The following ITGA1 variants were observed in gnomAD, a reference collection of about 807,000 sequenced individuals.
The protein encoded by ITGA1 is integrin subunit alpha 1.
ITGA1 carries 85 observed loss-of-function variants against 145.9 expected under a neutral mutation model. That is an observed-to-expected ratio of 0.58 (90% CI 0.49 to 0.70). ITGA1 has a LOEUF of 0.70. Ranked by LOEUF, ITGA1 falls within the 30% of genes least tolerant of loss-of-function variation. ITGA1 has a pLI of 0.00. For synonymous variants in ITGA1, 520 were observed against 495.3 expected, an observed-to-expected ratio of 1.05 and a Z score of -0.66; for missense variants, 1,351 against 1,418.7, an observed-to-expected ratio of 0.95 and a Z score of 0.77.
chr5:52,894,896 TAC>T (rs1386250486), intron 9 of ITGA1, among the ~76,000 whole-genome samples: 12 of 152,270 alleles, frequency 7.9e-5, no homozygotes, highest in Admixed American at 5.9e-4. Context: ...TATGAAAATG[TAC>T]AGAAAGGAAA....
At chr5:52,908,531 A>T (rs1041986840) in intron 12 of ITGA1, among the ~76,000 whole-genome samples, 3 of 152,220 alleles carry the variant, frequency 2.0e-5, no homozygotes, top group Admixed American at 6.5e-5. Context: ...ATATTCAGCC[A>T]TTGCAGCATG....
intron 6 of ITGA1, among the ~76,000 whole-genome samples, chr5:52,869,292 C>G (rs1049181100): frequency 6.6e-6 from 1 of 152,138 alleles, no homozygotes; most frequent in Non-Finnish European, 1.5e-5. Context: ...TTCTGAGTAG[C>G]TGGGATTACA....
Position 52,865,673 on chromosome 5 carries a change from G to A in ITGA1, c.497-17G>A. 1.3e-6 allele frequency: 2 copies of A among 1,498,420 alleles called. No homozygotes were observed. Among genetic ancestry groups the A allele is most frequent in the Non-Finnish European group, 1.8e-6 (2 of 1,129,696 alleles). 92.8% of individuals were successfully genotyped at this position (1,498,420 alleles called of 1,614,324 possible). ...AAAATAGATTCCAAATTTGACAATT[G>A]ACTCCTTTTATTGCAGAATGCAGCA... is the stretch of plus-strand genomic sequence containing the variant. On this transcript the variant is annotated splice_polypyrimidine_tract_variant and intron_variant, in intron 5 of 28. Coordinates refer to ENST00000282588, the MANE Select transcript of ITGA1 (RefSeq NM_181501.2).
rs1751250730 is a variant in ITGA1 at position 52,953,164 on chromosome 5, G to A, written c.*713G>A. On this transcript the variant is annotated 3_prime_UTR_variant, in exon 29 of 29. Transcript: ENST00000282588. ...GTTAAATTAAGCTTTTACAGAACAT[G>A]CTTAATTTTGATATTGAGCTCTAAA... is the stretch of plus-strand genomic sequence containing the variant. 1 of 152,060 alleles carries A rather than the reference G, an allele frequency of 6.6e-6. No individual in the cohort carries two copies. The highest frequency in any genetic ancestry group is 2.4e-5 in the African/African-American group (1 of 41,390). 9.4% of individuals were successfully genotyped at this position (152,060 alleles called of 1,614,324 possible).
chr5:52,914,325 C>CAAG (rs1750608989), intron 14 of ITGA1, among the ~76,000 whole-genome samples: 1 of 152,040 alleles, frequency 6.6e-6, no homozygotes, highest in Non-Finnish European at 1.5e-5. Flanking sequence ...CAGATATCTC[C>CAAG]TGAATTCTTC....
At chr5:52,814,160 A>G (rs1827122) in intron 1 of ITGA1, among the ~76,000 whole-genome samples, 86,599 of 151,956 alleles carry the variant, frequency 0.57, 25,181 homozygotes, top group African/African-American at 0.66. Flanking sequence ...TGTTTGTTTG[A>G]TTTTGAGACA....
At chr5:52,908,393 T>C (rs978755604) in intron 12 of ITGA1, among the ~76,000 whole-genome samples, 45 of 152,212 alleles carry the variant, frequency 3.0e-4, no homozygotes, top group Admixed American at 1.8e-3. Context: ...CATATTTTTC[T>C]ATGTCCCATA....
intron 23 of ITGA1, among the ~76,000 whole-genome samples, chr5:52,935,708 T>C (rs1374488395): frequency 6.6e-6 from 1 of 152,174 alleles, no homozygotes; most frequent in Non-Finnish European, 1.5e-5. Context: ...AGTCATATTC[T>C]CAATAAACTT....
chr5:52,825,512 G>A (rs1040685724), intron 1 of ITGA1, among the ~76,000 whole-genome samples: 10 of 152,166 alleles, frequency 6.6e-5, no homozygotes, highest in African/African-American at 2.2e-4. Flanking sequence ...GCCTATATAA[G>A]ATGGAAATTT....
chr5:52,791,589 T>C (rs2111640610), intron 1 of ITGA1, among the ~76,000 whole-genome samples: 1 of 152,292 alleles, frequency 6.6e-6, no homozygotes, highest in Non-Finnish European at 1.5e-5. Context: ...AGACAATCAA[T>C]AACAGAATAG....
chr5:52,804,218 T>A (rs762956188), intron 1 of ITGA1, among the ~76,000 whole-genome samples: 29 of 152,216 alleles, frequency 1.9e-4, no homozygotes, highest in Non-Finnish European at 3.5e-4. Flanking sequence ...AAGTATTGGA[T>A]ATGTGATAAA....
At chr5:52,830,924 C>T (rs17277080) in intron 1 of ITGA1, among the ~76,000 whole-genome samples, 18,015 of 152,112 alleles carry the variant, frequency 0.12, 1,113 homozygotes, top group Admixed American at 0.17. Context: ...ACCGTCTTGC[C>T]CTTATTTTTA....
chr5:52,799,980 T>G (rs977104308), intron 1 of ITGA1: 1 of 236,640 alleles, frequency 4.2e-6, no homozygotes, highest in Non-Finnish European at 8.5e-6. Context: ...AGTTCATTCG[T>G]CCGGAGCGCC....
intron 14 of ITGA1, among the ~76,000 whole-genome samples, chr5:52,912,660 G>A (rs1221907030): frequency 7.1e-6 from 1 of 141,580 alleles, no homozygotes; most frequent in African/African-American, 2.6e-5. Flanking sequence ...ACTATATATA[G>A]TGTATCTATA....
At chr5:52,815,962 A>G (rs17210759) in intron 1 of ITGA1, among the ~76,000 whole-genome samples, 20,145 of 152,214 alleles carry the variant, frequency 0.13, 1,378 homozygotes, top group Middle Eastern at 0.25. Context: ...CCTTGATGAC[A>G]TGAATAACAT....
chr5:52,822,456 G>A (rs534069726), intron 1 of ITGA1, among the ~76,000 whole-genome samples: 1 of 152,150 alleles, frequency 6.6e-6, no homozygotes, highest in South Asian at 2.1e-4. Context: ...GTTTGGACTG[G>A]GCAGAGCTAG....
chr5:52,905,931 T>C (rs770694392), intron 12 of ITGA1, 23 bp downstream of exon 12: 4 of 1,597,098 alleles, frequency 2.5e-6, no homozygotes, highest in Non-Finnish European at 3.4e-6. Flanking sequence ...AATATTCTTT[T>C]ATTTAAATTA....
rs775064975 is a variant in ITGA1, at chr5:52,939,835, A to G, written c.3181-5A>G. 1.3e-6 allele frequency: 2 copies of G among 1,583,386 alleles called. No homozygotes were observed. The highest frequency in any genetic ancestry group is 4.5e-5 in the East Asian group (2 of 44,668). ...ACTGATATGTATCTCTGGACATTTAAACAGGACTGCAATACATGTAAATTT... is the reference window on the plus strand; with the variant it reads ...ACTGATATGTATCTCTGGACATTTAGACAGGACTGCAATACATGTAAATTT... On this transcript the variant is annotated splice_polypyrimidine_tract_variant and splice_region_variant and intron_variant, in intron 25 of 28. Coordinates refer to ENST00000282588, the MANE Select transcript of ITGA1 (RefSeq NM_181501.2).
chr5:52,800,240 G>A, intron 1 of ITGA1: 3 of 689,612 alleles, frequency 4.4e-6, no homozygotes, highest in Non-Finnish European at 7.4e-6. Context: ...TAGGCTGCAT[G>A]AGTCGAAGCA....
Sources: allele counts gnomAD v4.1 joint callset (sites outside exome capture counted in the v4.1 genomes callset), GRCh38; gene constraint gnomAD v4.1.1; transcripts MANE v1.5; gene names NCBI Gene and HGNC (gene_info 2026-07-23, HGNC 2026-07-21).